TSPEAR: variants seen among roughly 807,000 people sequenced by gnomAD.
TSPEAR encodes thrombospondin-type laminin G domain and EAR repeat-containing protein.
In TSPEAR, 69 loss-of-function variants were observed where a neutral mutation model predicts 71.6. The ratio of observed to expected loss-of-function variants is 0.96; its 90% CI spans 0.79 to 1.18. The LOEUF (loss-of-function observed/expected upper bound fraction) is 1.18. TSPEAR is among the 50% of genes most tolerant of loss of function. The pLI, the probability that TSPEAR is intolerant of heterozygous loss-of-function variation, is 0.00. For missense variants in TSPEAR, 971 were observed against 894.9 expected, an observed-to-expected ratio of 1.09 and a Z score of -1.09; for synonymous variants, 402 against 387.2, an observed-to-expected ratio of 1.04 and a Z score of -0.45.
intron 1 of TSPEAR, among the ~76,000 whole-genome samples, chr21:44,590,405 C>T (rs587723005): frequency 6.6e-6 from 1 of 151,986 alleles, no homozygotes; most frequent in Non-Finnish European, 1.5e-5. Context: ...GACCACAGGA[C>T]CAGGAGGGAG....
At chr21:44,574,538 C>T in intron 1 of TSPEAR, 1 of 1,609,526 alleles carries the variant, frequency 6.2e-7, no homozygotes, top group South Asian at 1.1e-5. Flanking sequence ...AGCCGGCTTG[C>T]TGCACCTCCT....
At position 44,703,971 on chromosome 21, in the gene TSPEAR, C is replaced by G. The variant is rs575241257; in HGVS notation, c.82+7462G>C. Among the ~76,000 whole-genome samples the G allele has an allele frequency of 2.0e-4, 30 of 152,288 alleles. No individual in the cohort carries two copies. In the South Asian group the frequency reaches 2.3e-3, roughly 12 times the overall value. On this transcript the variant is annotated intron_variant, in intron 1 of 11. Transcript: ENST00000323084. ...TGCACAGGGCTGCAATCCCAGGAGG[C>G]CCTGAAATCCAGCAAGATGTTCCCA...
At chr21:44,677,264 T>A in intron 1 of TSPEAR, 1 of 732,956 alleles carries the variant, frequency 1.4e-6, no homozygotes, top group Non-Finnish European at 2.5e-6. Flanking sequence ...CTTCATCTAC[T>A]GCCTTTCTGT....
chr21:44,631,976 T>C (rs1371353498), intron 1 of TSPEAR, among the ~76,000 whole-genome samples: 1 of 152,120 alleles, frequency 6.6e-6, no homozygotes, highest in Non-Finnish European at 1.5e-5. Context: ...TTTTCCAAGA[T>C]GAAAAGTTTT....
Position 44,527,335 on chromosome 21 carries a change from G to T in TSPEAR, c.1106C>A (p.Thr369Lys), listed in dbSNP as rs144449038. ...ATGCCTCCAGGCCTGTGCTTGGTGC[G>T]TGGGGATGTTCTGATATGAGACGAA... Reference protein sequence around the residue: ...EKFVSYQNIPTHQAQAWRHFT... With the variant: ...EKFVSYQNIPKHQAQAWRHFT... Residue 369 changes from threonine (T) to lysine (K), a missense_variant, in exon 7 of 12, where the codon ACG becomes AAG. Transcript: ENST00000323084. The T allele has an allele frequency of 1.7e-5, 28 of 1,614,072 alleles. No individual in the cohort carries two copies. Among genetic ancestry groups the T allele is most frequent in the Non-Finnish European group, 2.4e-5 (28 of 1,180,050 alleles).
At chr21:44,617,464 C>G (rs1982178900) in intron 1 of TSPEAR, among the ~76,000 whole-genome samples, 1 of 152,236 alleles carries the variant, frequency 6.6e-6, no homozygotes, top group South Asian at 2.1e-4. Context: ...AGCGTGGGGA[C>G]ACATGCAGAC....
intron 2 of TSPEAR, among the ~76,000 whole-genome samples, chr21:44,560,007 T>C (rs1393001810): frequency 1.3e-5 from 2 of 152,110 alleles, no homozygotes; most frequent in Admixed American, 6.5e-5. Flanking sequence ...AAAAATATTA[T>C]TTCATAGAAA....
chr21:44,657,666 G>A (rs1259879616), intron 1 of TSPEAR, among the ~76,000 whole-genome samples: 1 of 152,142 alleles, frequency 6.6e-6, no homozygotes, highest in Admixed American at 6.5e-5. Context: ...ACTTTGAGTC[G>A]AGCCAGTGGT....
At chr21:44,702,361 C>T in intron 1 of TSPEAR, 1 of 1,374,430 alleles carries the variant, frequency 7.3e-7, no homozygotes, top group Non-Finnish European at 9.7e-7. Flanking sequence ...TGTGTCCAGC[C>T]CCTGCTGCCA....
intron 2 of TSPEAR, among the ~76,000 whole-genome samples, chr21:44,552,749 C>T (rs776369987): frequency 6.6e-6 from 1 of 152,216 alleles, no homozygotes; most frequent in African/African-American, 2.4e-5. Flanking sequence ...CCCCAACAGC[C>T]CCTCCCTGCA....
intron 1 of TSPEAR, among the ~76,000 whole-genome samples, chr21:44,586,445 G>A (rs1372090594): frequency 6.6e-6 from 1 of 152,058 alleles, no homozygotes; most frequent in Non-Finnish European, 1.5e-5. Flanking sequence ...CAAACAGAGG[G>A]CTTAGGCTTT....
chr21:44,647,414 C>A, intron 1 of TSPEAR: 1 of 1,567,132 alleles, frequency 6.4e-7, no homozygotes, highest in Non-Finnish European at 8.7e-7. Flanking sequence ...ATTCTCCAGT[C>A]TCAGGAGCCC....
chr21:44,599,245 A>G (rs1980609645), intron 1 of TSPEAR, among the ~76,000 whole-genome samples: 1 of 150,290 alleles, frequency 6.7e-6, no homozygotes, highest in Admixed American at 6.7e-5. Flanking sequence ...TTATTTTTAT[A>G]GTTCAAAATA....
At chr21:44,708,036 CACA>C (rs1555952843) in intron 1 of TSPEAR, among the ~76,000 whole-genome samples, 1 of 144,490 alleles carries the variant, frequency 6.9e-6, no homozygotes, top group Non-Finnish European at 1.5e-5. Context: ...CACACACACA[CACA>C]CACACACCAC....
In TSPEAR at chr21:44,632,020, A is replaced by G. The variant is rs587692113; in HGVS notation, c.83-64015T>C. Among the ~76,000 whole-genome samples the G allele has an allele frequency of 1.4e-3, 206 of 152,348 alleles. 1 individual carries two copies. The highest frequency in any genetic ancestry group is 2.7e-3 in the Non-Finnish European group (181 of 68,034). ...ATGGTGGCAATGACCGCACTGCATT[A>G]TGAATGTATTTAATATCACTGAACG... On this transcript the variant is annotated intron_variant, in intron 1 of 11. Coordinates refer to ENST00000323084, the MANE Select transcript of TSPEAR (RefSeq NM_144991.3).
At chr21:44,558,143 C>T (rs587737337) in intron 2 of TSPEAR, 83 of 1,612,622 alleles carry the variant, frequency 5.1e-5, no homozygotes, top group Admixed American at 2.0e-4. Context: ...CGCAGGAGGC[C>T]GGGCGGCAGC....
At position 44,687,071 on chromosome 21, in the gene TSPEAR, G is replaced by T. The variant is rs943149723; in HGVS notation, c.82+24362C>A. On this transcript the variant is annotated intron_variant, in intron 1 of 11. Transcript: ENST00000323084. The surrounding 1 kb of genome is among the most constrained non-coding windows in gnomAD (Gnocchi z 4.4). ...ATCTCTCAGCCAGGACTCTTCTGGAGCCTGGAAACCAAGCCACAGGACGAA... is the reference window on the plus strand; with the variant it reads ...ATCTCTCAGCCAGGACTCTTCTGGATCCTGGAAACCAAGCCACAGGACGAA... Among the ~76,000 whole-genome samples the T allele has an allele frequency of 6.6e-6, 1 of 152,308 alleles. No individual in the cohort carries two copies. The highest frequency in any genetic ancestry group is 1.9e-4 in the East Asian group (1 of 5,180).
chr21:44,550,682 A>G (rs1555918474), intron 2 of TSPEAR: 3 of 1,612,864 alleles, frequency 1.9e-6, no homozygotes, highest in Non-Finnish European at 2.5e-6. Flanking sequence ...GCCCTGGGGG[A>G]CATGGCCATC....
intron 1 of TSPEAR, chr21:44,627,489 G>A (rs782025080): frequency 2.6e-6 from 4 of 1,538,662 alleles, no homozygotes; most frequent in Non-Finnish European, 3.5e-6. Context: ...TCTGCTGCAA[G>A]CCTGTGTGCT....
Sources: allele counts gnomAD v4.1 joint callset (sites outside exome capture counted in the v4.1 genomes callset), GRCh38; gene constraint gnomAD v4.1.1; non-coding constraint Gnocchi (gnomAD v3.1); transcripts MANE v1.5; gene names NCBI Gene and HGNC (gene_info 2026-07-23, HGNC 2026-07-21).